Variants in SESTD1 observed in about 807,000 individuals in gnomAD.
SESTD1 encodes the protein SEC14 domain and spectrin repeat-containing protein 1.
Under a neutral mutation model 101.7 loss-of-function variants are expected in SESTD1, and 43 were observed. The observed-to-expected ratio is 0.42, with a 90% CI of 0.33 to 0.55. The LOEUF is 0.55. Among genes scored for constraint, SESTD1 ranks in the 20% least tolerant of loss-of-function variants. SESTD1 has a pLI of 0.07. For missense variants in SESTD1, 647 were observed against 815.1 expected, an observed-to-expected ratio of 0.79 and a Z score of 2.51; for synonymous variants, 283 against 286.8, an observed-to-expected ratio of 0.99 and a Z score of 0.13.
At chr2:179,155,663 T>C (rs532453415) in intron 5 of SESTD1, among the ~76,000 whole-genome samples, 1 of 152,222 alleles carries the variant, frequency 6.6e-6, no homozygotes, top group South Asian at 2.1e-4. Context: ...TTCAATTGCA[T>C]CTTATTTAAC....
At chr2:179,254,770 A>C (rs1035819614) in intron 1 of SESTD1, among the ~76,000 whole-genome samples, 5 of 152,234 alleles carry the variant, frequency 3.3e-5, no homozygotes, top group Non-Finnish European at 7.3e-5. Flanking sequence ...GTATATTTAC[A>C]TGCATATCTC....
intron 13 of SESTD1, among the ~76,000 whole-genome samples, chr2:179,120,152 C>A (rs971699586): frequency 7.9e-5 from 12 of 152,112 alleles, no homozygotes; most frequent in African/African-American, 2.9e-4. Context: ...TCGCTTGAAC[C>A]CAGGAGGTGG....
chr2:179,164,181 G>C (rs991633920), intron 5 of SESTD1, among the ~76,000 whole-genome samples: 1 of 152,060 alleles, frequency 6.6e-6, no homozygotes, highest in Non-Finnish European at 1.5e-5. Flanking sequence ...TCTCACTCAA[G>C]GAAAATAGGT....
intron 4 of SESTD1, chr2:179,174,581 A>G: frequency 2.6e-6 from 1 of 384,066 alleles, no homozygotes; most frequent in Non-Finnish European, 5.2e-6. Flanking sequence ...GGCTTGAAAT[A>G]TAAAAGTGCT....
At chr2:179,226,891 G>C (rs2046894465) in intron 1 of SESTD1, among the ~76,000 whole-genome samples, 1 of 152,168 alleles carries the variant, frequency 6.6e-6, no homozygotes, top group South Asian at 2.1e-4. Context: ...TCTCAGTTAG[G>C]TGCCACTTAG....
intron 1 of SESTD1, among the ~76,000 whole-genome samples, chr2:179,200,275 T>C (rs978612275): frequency 1.3e-5 from 2 of 152,072 alleles, no homozygotes; most frequent in Admixed American, 6.5e-5. Context: ...TAAAAGAGGA[T>C]ACAAACAAAT....
chr2:179,141,076 G>A (rs916753843), intron 9 of SESTD1, among the ~76,000 whole-genome samples: 3 of 152,054 alleles, frequency 2.0e-5, no homozygotes, highest in African/African-American at 4.8e-5. Flanking sequence ...TACCATTCAC[G>A]CACAGATGAC....
intron 4 of SESTD1, among the ~76,000 whole-genome samples, chr2:179,172,933 T>C (rs2045951423): frequency 6.6e-6 from 1 of 152,228 alleles, no homozygotes; most frequent in African/African-American, 2.4e-5. Flanking sequence ...TTCTGAAATA[T>C]CATCATTACA....
At position 179,124,447 on chromosome 2, in the gene SESTD1, C is replaced by T; in HGVS notation, c.1084G>A (p.Val362Ile). Residue 362 changes from valine to isoleucine, a missense_variant, in exon 11 of 18, where the codon GTT becomes ATT. Physicochemically the swap from Val to Ile is conservative, Grantham distance 29. This residue lies in a region of SESTD1 where 476 missense variants were observed against 562.6 expected (regional missense o/e 0.85). Coordinates refer to ENST00000428443, the MANE Select transcript of SESTD1 (RefSeq NM_178123.5). Reference protein sequence around the residue: ...LKSLQQQLSDVCYRQASQLEF... With the variant: ...LKSLQQQLSDICYRQASQLEF... ...AGCTGACTGGCCTGTCGATAACAAACATCACTAAGTTGTTGCTGCAGTGAC... is the reference window on the plus strand; with the variant it reads ...AGCTGACTGGCCTGTCGATAACAAATATCACTAAGTTGTTGCTGCAGTGAC... The T allele has an allele frequency of 6.2e-7, 1 of 1,614,114 alleles. No individual in the cohort carries two copies. Among genetic ancestry groups the T allele is most frequent in the South Asian group, 1.1e-5 (1 of 91,080 alleles).
intron 17 of SESTD1, among the ~76,000 whole-genome samples, chr2:179,110,913 G>A (rs529882688): frequency 6.6e-6 from 1 of 152,316 alleles, no homozygotes; most frequent in East Asian, 1.9e-4. Flanking sequence ...AGGTGGGTGT[G>A]AACTTTGAAT....
chr2:179,226,415 T>G (rs912207589), intron 1 of SESTD1, among the ~76,000 whole-genome samples: 2 of 152,230 alleles, frequency 1.3e-5, no homozygotes, highest in African/African-American at 2.4e-5. Flanking sequence ...TTCCTTGTCT[T>G]GTTAGGCCTT....
At chr2:179,209,579 T>C (rs1021685275) in intron 1 of SESTD1, among the ~76,000 whole-genome samples, 1 of 134,616 alleles carries the variant, frequency 7.4e-6, no homozygotes, top group Non-Finnish European at 1.6e-5. Context: ...CTCAAAACTA[T>C]ACAAATACAT....
intron 6 of SESTD1, 109 bp downstream of exon 6, chr2:179,151,159 ATTTCTCCATT>A: frequency 1.6e-6 from 1 of 614,238 alleles, no homozygotes; most frequent in Non-Finnish European, 2.6e-6. Flanking sequence ...GTATGCACAT[ATTTCTCCATT>A]TTTGTAAAAA....
intron 1 of SESTD1, among the ~76,000 whole-genome samples, chr2:179,196,131 T>C (rs542043608): frequency 8.6e-4 from 131 of 152,280 alleles, no homozygotes; most frequent in South Asian, 4.6e-3. Context: ...GGGCGAGGCA[T>C]TGCCTCACGC....
intron 1 of SESTD1, among the ~76,000 whole-genome samples, chr2:179,236,188 C>G (rs902419040): frequency 6.6e-6 from 1 of 151,924 alleles, no homozygotes; most frequent in South Asian, 2.1e-4. Flanking sequence ...GCGTTTATTA[C>G]AATGAGTAAT....
intron 4 of SESTD1, among the ~76,000 whole-genome samples, chr2:179,174,749 T>G (rs2045981896): frequency 6.6e-6 from 1 of 151,968 alleles, no homozygotes; most frequent in Non-Finnish European, 1.5e-5. Flanking sequence ...TCACCTGAGC[T>G]CAGGAGTTTG....
At chr2:179,249,052 CTGCACTCCAGCCTGGG>C (rs1289453825) in intron 1 of SESTD1, among the ~76,000 whole-genome samples, 194 of 147,270 alleles carry the variant, frequency 1.3e-3, no homozygotes, top group African/African-American at 4.7e-3. Flanking sequence ...GATCGCATCA[CTGCACTCCAGCCTGGG>C]TGACAGAGTG....
chr2:179,164,866 ATAATT>A (rs1348867190), intron 5 of SESTD1, among the ~76,000 whole-genome samples: 4 of 152,228 alleles, frequency 2.6e-5, no homozygotes, highest in Non-Finnish European at 4.4e-5. Context: ...TTTGTTGCAG[ATAATT>A]TAATTTTAAG....
intron 1 of SESTD1, among the ~76,000 whole-genome samples, chr2:179,259,507 T>C (rs945732395): frequency 1.3e-5 from 2 of 152,104 alleles, no homozygotes; most frequent in Non-Finnish European, 2.9e-5. Context: ...GGATTACAGG[T>C]GTGAGCCACC....
Sources: gnomAD v4.1 joint callset for allele counts (sites outside exome capture counted in the v4.1 genomes callset) on GRCh38, gnomAD v4.1.1 for gene constraint, gnomAD v4.1.1 regional missense constraint, MANE v1.5 for transcripts, NCBI Gene and HGNC (gene_info 2026-07-23, HGNC 2026-07-21) for gene names.